The following MOK variants were observed in gnomAD, a reference collection of about 807,000 sequenced individuals.
MOK encodes the protein MOK protein kinase, also known as MAPK/MAK/MRK overlapping kinase.
Under a neutral mutation model 54.2 loss-of-function variants are expected in MOK, and 59 were observed. The ratio of observed to expected loss-of-function variants is 1.09; its 90% CI spans 0.88 to 1.35. The LOEUF is 1.35. MOK is among the 40% of genes most tolerant of loss of function. The pLI is 0.00. For synonymous variants in MOK, 210 were observed against 202.7 expected, an observed-to-expected ratio of 1.04 and a Z score of -0.31; for missense variants, 517 against 526.2, an observed-to-expected ratio of 0.98 and a Z score of 0.17.
Position 102,304,978 on chromosome 14 carries a change from G to A in MOK, c.-10C>T, listed in dbSNP as rs764254903. 5.0e-6 allele frequency: 8 copies of A among 1,609,550 alleles called. No homozygotes were observed. Among genetic ancestry groups the A allele is most frequent in the African/African-American group, 1.3e-5 (1 of 74,624 alleles). ...CCCACTCACTCTTCATCTTGGATGC[G>A]GAAGCCGGTGACAACCCCTTGCCGA... On this transcript the variant is annotated 5_prime_UTR_variant, in exon 1 of 12. Transcript: ENST00000361847.
Position 102,231,804 on chromosome 14 carries a change from G to T in MOK, c.884C>A (p.Ala295Asp). The part of the protein sequence containing the change: ...FQEQRKTEKR[A>D]LGSHRKAGFP... ...GCCAGCTTTTCTGTGGCTGCCCAGA[G>T]CCCGCTTCTCTGTTTTCCTACGGGG... The change falls in exon 10 of 12, where the codon GCT becomes GAT. Residue 295 changes from alanine to aspartate, a missense_variant. Coordinates refer to ENST00000361847, the MANE Select transcript of MOK (RefSeq NM_014226.3). This position sits in a 1 kb window ranked among gnomAD's most constrained non-coding sequence, Gnocchi z 4.4. The T allele has an allele frequency of 2.5e-6, 4 of 1,611,782 alleles. No individual in the cohort carries two copies. The highest frequency in any genetic ancestry group is 3.4e-6 in the Non-Finnish European group (4 of 1,178,648).
chr14:102,224,177 GACTACA>G (rs2064155234), downstream of MOK, among the ~76,000 whole-genome samples: 1 of 151,894 alleles, frequency 6.6e-6, no homozygotes, highest in African/African-American at 2.4e-5. Flanking sequence ...GAGTAGCTGG[GACTACA>G]GGCGCCCGCC....
At chr14:102,298,665 G>C (rs1329590510) in intron 1 of MOK, among the ~76,000 whole-genome samples, 5 of 152,176 alleles carry the variant, frequency 3.3e-5, no homozygotes, top group Non-Finnish European at 7.3e-5. Flanking sequence ...TGTGGGTGGT[G>C]CCAGATAAGA....
chr14:102,230,105 G>T lies in MOK; in HGVS notation c.982-448C>A. On this transcript the variant is annotated intron_variant, in intron 10 of 11. Coordinates refer to ENST00000361847, the MANE Select transcript of MOK (RefSeq NM_014226.3). The surrounding 1 kb of genome is among the most constrained non-coding windows in gnomAD (Gnocchi z 4.1). ...GTAGCACAGACTGGAGTGCAGTGGTGCAATCTTGGCTCACTGTAGCCTCAG... is the reference window on the plus strand; with the variant it reads ...GTAGCACAGACTGGAGTGCAGTGGTTCAATCTTGGCTCACTGTAGCCTCAG... 6.1e-6 allele frequency: 1 copy of T among 162,956 alleles called. No homozygotes were observed. Among genetic ancestry groups the T allele is most frequent in the African/African-American group, 2.4e-5 (1 of 41,700 alleles). The allele number at this position is 162,956 out of a possible 1,614,324, so 10.1% of individuals were successfully genotyped here.
chr14:102,298,814 G>A (rs554614367), intron 1 of MOK, among the ~76,000 whole-genome samples: 56 of 152,300 alleles, frequency 3.7e-4, no homozygotes, highest in African/African-American at 1.2e-3. Flanking sequence ...TTTATGAGCT[G>A]CAACACTCAC....
At chr14:102,214,863 T>C in the MOK span, 1 of 984,592 alleles carries the variant, frequency 1.0e-6, no homozygotes, top group Non-Finnish European at 1.2e-6. Context: ...TCATGTTTGT[T>C]TCACTGCTTT....
chr14:102,216,537 A>G, the MOK span, among the ~76,000 whole-genome samples: 2 of 152,216 alleles, frequency 1.3e-5, no homozygotes, highest in African/African-American at 4.8e-5. Flanking sequence ...TTTAAGCCCT[A>G]AAGACTATTA....
At position 102,269,960 on chromosome 14, in the gene MOK, C is replaced by T. The variant is rs549075026; in HGVS notation, c.123-4048G>A. Among the ~76,000 whole-genome samples, 7 of 152,296 alleles carry T rather than the reference C, an allele frequency of 4.6e-5. No homozygotes were observed. The South Asian group carries it at 1.2e-3, about 27-fold the overall frequency. ...GACATTTACAGAACAGTATATTCAA[C>T]AACTGTATATAAAATATTCTTTTCA... On this transcript the variant is annotated intron_variant, in intron 2 of 11. Coordinates refer to ENST00000361847, the MANE Select transcript of MOK (RefSeq NM_014226.3).
chr14:102,242,331 A>T (rs1035402319), intron 7 of MOK, among the ~76,000 whole-genome samples: 6 of 151,652 alleles, frequency 4.0e-5, no homozygotes, highest in African/African-American at 1.5e-4. Context: ...TCTTCTGTGC[A>T]CTCCTTTTTA....
At chr14:102,214,698 T>A in the MOK span, 1 of 982,382 alleles carries the variant, frequency 1.0e-6, no homozygotes, top group African/African-American at 1.7e-5. Context: ...AATTCACATG[T>A]ATTTCCTTTT....
chr14:102,290,531 G>A (rs914697490), intron 1 of MOK, among the ~76,000 whole-genome samples: 3 of 152,142 alleles, frequency 2.0e-5, no homozygotes, highest in Admixed American at 6.6e-5. Flanking sequence ...TTCAATTTGT[G>A]TATAAGTAAA....
chr14:102,231,695 T>A lies in MOK; in HGVS notation c.981+12A>T, dbSNP rs1489658480. 1 of 1,606,074 alleles carries A rather than the reference T, an allele frequency of 6.2e-7. No homozygotes were observed. The highest frequency in any genetic ancestry group is 1.7e-5 in the Admixed American group (1 of 59,892). On this transcript the variant is annotated intron_variant, in intron 10 of 11. Coordinates refer to ENST00000361847, the MANE Select transcript of MOK (RefSeq NM_014226.3). This position sits in a 1 kb window ranked among gnomAD's most constrained non-coding sequence, Gnocchi z 4.4. Reference sequence around the variant, plus strand: ...GAGCTAGGCAGTCTCCGGCTCCGATTTCGCTTAGTACCTGCTTTCTGCCCT... The same window carrying A: ...GAGCTAGGCAGTCTCCGGCTCCGATATCGCTTAGTACCTGCTTTCTGCCCT...
At chr14:102,225,350 C>T (rs192418876), downstream of MOK, 98 of 153,214 alleles carry the variant, frequency 6.4e-4, no homozygotes, top group Non-Finnish European at 1.0e-3. Context: ...TGTGAGCCAC[C>T]GCACCCGGCC....
intron 2 of MOK, among the ~76,000 whole-genome samples, chr14:102,275,563 C>CAAA (rs35983579): frequency 8.4e-5 from 6 of 71,490 alleles, no homozygotes; most frequent in South Asian, 5.1e-4. Flanking sequence ...GACTCCATCT[C>CAAA]AAAAAAAAAA....
At chr14:102,294,486 G>A (rs957857803) in intron 1 of MOK, among the ~76,000 whole-genome samples, 8 of 151,650 alleles carry the variant, frequency 5.3e-5, no homozygotes, top group Admixed American at 1.3e-4. Context: ...ATCGTGATGC[G>A]TGCCTGTAGC....
intron 2 of MOK, among the ~76,000 whole-genome samples, chr14:102,281,863 A>G (rs2069479050): frequency 6.6e-6 from 1 of 152,244 alleles, no homozygotes; most frequent in South Asian, 2.1e-4. Context: ...TGCAGAATGC[A>G]TAGAGAGGAA....
At chr14:102,217,919 AGGAGCAC>A in the MOK span, among the ~76,000 whole-genome samples, 1 of 152,250 alleles carries the variant, frequency 6.6e-6, no homozygotes, top group South Asian at 2.1e-4. Flanking sequence ...AGATTCTGCC[AGGAGCAC>A]CTGCCACAGA....
intron 1 of MOK, among the ~76,000 whole-genome samples, chr14:102,301,811 A>G (rs1422819352): frequency 6.6e-6 from 1 of 152,258 alleles, no homozygotes; most frequent in Non-Finnish European, 1.5e-5. Context: ...TGACCATCTA[A>G]AAGAACATAC....
intron 2 of MOK, among the ~76,000 whole-genome samples, chr14:102,279,524 T>C (rs1166849738): frequency 6.6e-6 from 1 of 152,134 alleles, no homozygotes; most frequent in Non-Finnish European, 1.5e-5. Flanking sequence ...CAGGCTGGTC[T>C]TTAACTTCCA....
Sources: gnomAD v4.1 joint callset for allele counts (sites outside exome capture counted in the v4.1 genomes callset) on GRCh38, gnomAD v4.1.1 for gene constraint, Gnocchi (gnomAD v3.1) non-coding constraint, MANE v1.5 for transcripts, NCBI Gene and HGNC (gene_info 2026-07-23, HGNC 2026-07-21) for gene names.